Variants in PDGFRL observed in about 807,000 individuals in gnomAD.
The protein encoded by PDGFRL is platelet derived growth factor receptor like, also known as platelet-derived growth factor receptor-like protein.
Under a neutral mutation model 37.2 loss-of-function variants are expected in PDGFRL, and 46 were observed. The observed-to-expected ratio is 1.24, with a 90% CI of 0.98 to 1.58. The LOEUF (loss-of-function observed/expected upper bound fraction) is 1.58, where lower values mean the gene tolerates loss of function less well. PDGFRL is among the 40% of genes most tolerant of loss of function. The probability of loss-of-function intolerance (pLI) is 0.00; values close to 1 mark genes in which losing one functional copy is unlikely to be tolerated. For missense variants in PDGFRL, 692 were observed against 467.6 expected (o/e 1.48, Z -4.43); for synonymous variants, 251 against 184.3 (o/e 1.36, Z -2.93).
intron 3 of PDGFRL, among the ~76,000 whole-genome samples, chr8:17,628,187 G>A (rs190942546): frequency 1.3e-5 from 2 of 151,116 alleles, no homozygotes; most frequent in African/African-American, 4.9e-5. Context: ...GTACAGATGG[G>A]GTTTCACCGT....
Position 17,642,616 on chromosome 8 carries a change from G to A in PDGFRL, c.943G>A (p.Glu315Lys), listed in dbSNP as rs767700846. ...CTTTGTGGGTGTCGTTAAACAGGAT[G>A]AAAGGCCTGTGACGATCCAAGACAC... The part of the protein sequence containing the change: ...FTWIFPGQKD[E>K]RPVTIQDTWR... Residue 315 changes from glutamate to lysine, a missense_variant, in exon 6 of 6, where the codon GAA becomes AAA. Glu to Lys is a moderately conservative substitution (Grantham distance 56). Transcript: ENST00000251630. 2.5e-6 allele frequency: 4 copies of A among 1,601,832 alleles called. No individual in the cohort carries two copies. Among genetic ancestry groups the A allele is most frequent in the Admixed American group, 3.3e-5 (2 of 59,994 alleles).
At chr8:17,604,037 G>A (rs1458626206) in intron 2 of PDGFRL, among the ~76,000 whole-genome samples, 1 of 152,128 alleles carries the variant, frequency 6.6e-6, no homozygotes, top group African/African-American at 2.4e-5. Context: ...GATGATGATG[G>A]GAGGTGAGGC....
intron 1 of PDGFRL, among the ~76,000 whole-genome samples, chr8:17,583,852 C>A (rs756189555): frequency 1.3e-5 from 2 of 152,184 alleles, no homozygotes; most frequent in African/African-American, 2.4e-5. Flanking sequence ...TCTCCTTCAC[C>A]TGTGCCACCA....
chr8:17,596,230 C>T (rs62498033), intron 2 of PDGFRL: 114,072 of 593,518 alleles, frequency 0.19, 12,035 homozygotes, highest in South Asian at 0.26. Flanking sequence ...TGACTCTGAC[C>T]GGGCTGGGGG....
chr8:17,586,913 T>A (rs1202306961), intron 1 of PDGFRL, among the ~76,000 whole-genome samples: 1 of 152,212 alleles, frequency 6.6e-6, no homozygotes, highest in Non-Finnish European at 1.5e-5. Flanking sequence ...GCCACCTATT[T>A]CTCTATAAAT....
chr8:17,583,674 G>A (rs974385126), intron 1 of PDGFRL, among the ~76,000 whole-genome samples: 8 of 152,102 alleles, frequency 5.3e-5, no homozygotes, highest in South Asian at 4.1e-4. Context: ...TGAGTCGTGG[G>A]GGTGGACCCC....
chr8:17,626,076 C>G (rs906487989), intron 3 of PDGFRL, among the ~76,000 whole-genome samples: 1 of 152,232 alleles, frequency 6.6e-6, no homozygotes, highest in African/African-American at 2.4e-5. Context: ...CTGCTTATCG[C>G]TTCAGATTAT....
chr8:17,584,875 G>C (rs146305595), intron 1 of PDGFRL, among the ~76,000 whole-genome samples: 1 of 152,208 alleles, frequency 6.6e-6, no homozygotes, highest in Admixed American at 6.5e-5. Flanking sequence ...AGAAAGTAAA[G>C]GAATAAAAGA....
At chr8:17,585,018 A>C (rs1018545342) in intron 1 of PDGFRL, among the ~76,000 whole-genome samples, 2 of 152,036 alleles carry the variant, frequency 1.3e-5, no homozygotes, top group African/African-American at 4.8e-5. Flanking sequence ...AAATTCCTGG[A>C]ACTGAGGGTT....
rs752092644 is a variant in PDGFRL at position 17,589,605 on chromosome 8, C to T, written c.193C>T (p.Gln65Ter). Residue 65 changes from glutamine (Q) to a stop codon, truncating the protein, a stop_gained, in exon 2 of 6, where the codon CAG becomes TAG. Coordinates refer to ENST00000251630, the MANE Select transcript of PDGFRL (RefSeq NM_001372073.1). LOFTEE classifies it high-confidence loss of function. ...CTCAGCCAATTCAGCACCAAAGACGCAGTCTATCATGATGCAAGTGCTGGA... is the reference window on the plus strand; with the variant it reads ...CTCAGCCAATTCAGCACCAAAGACGTAGTCTATCATGATGCAAGTGCTGGA... ...RDSANSAPKTQSIMMQVLDKG... is the reference protein window; with the variant it reads ...RDSANSAPKT 6.2e-7 allele frequency: 1 copy of T among 1,613,906 alleles called. No homozygotes were observed. Among genetic ancestry groups the T allele is most frequent in the Non-Finnish European group, 8.5e-7 (1 of 1,179,862 alleles).
chr8:17,620,052 TC>T (rs1344964749), intron 2 of PDGFRL, among the ~76,000 whole-genome samples: 7 of 152,162 alleles, frequency 4.6e-5, no homozygotes, highest in Non-Finnish European at 7.3e-5. Flanking sequence ...AATCTCAAAT[TC>T]TTGTGCTCAA....
At chr8:17,596,525 C>A in intron 2 of PDGFRL, 1 of 356,582 alleles carries the variant, frequency 2.8e-6, no homozygotes, top group Non-Finnish European at 5.0e-6. Context: ...TAGAGGATTC[C>A]ATGCTTGAAG....
chr8:17,606,884 T>TC (rs1804289635), intron 2 of PDGFRL, among the ~76,000 whole-genome samples: 1 of 44,974 alleles, frequency 2.2e-5, no homozygotes, highest in Admixed American at 3.7e-4. Flanking sequence ...TTTTCGTTTT[T>TC]TGTTTTTTTG....
intron 2 of PDGFRL, among the ~76,000 whole-genome samples, chr8:17,607,491 G>T (rs947616202): frequency 6.6e-6 from 1 of 152,220 alleles, no homozygotes; most frequent in Non-Finnish European, 1.5e-5. Flanking sequence ...TATCCCAGAT[G>T]TGTTGCACAG....
chr8:17,632,142 A>G (rs1344316171), intron 4 of PDGFRL, among the ~76,000 whole-genome samples: 3 of 152,178 alleles, frequency 2.0e-5, no homozygotes, highest in African/African-American at 2.4e-5. Flanking sequence ...TGCGGCTGGA[A>G]GCCAAGCTAA....
chr8:17,598,243 T>A (rs552100723), intron 2 of PDGFRL, among the ~76,000 whole-genome samples: 1 of 152,302 alleles, frequency 6.6e-6, no homozygotes, highest in Non-Finnish European at 1.5e-5. Flanking sequence ...ACCAGCAAAG[T>A]GGTGTGTGAT....
chr8:17,635,739 A>G (rs1211990516), intron 5 of PDGFRL, among the ~76,000 whole-genome samples: 1 of 152,252 alleles, frequency 6.6e-6, no homozygotes, highest in East Asian at 1.9e-4. Context: ...CATTCCCACC[A>G]GCAGTGTAAC....
At chr8:17,639,256 C>T (rs1805042944) in intron 5 of PDGFRL, among the ~76,000 whole-genome samples, 1 of 152,158 alleles carries the variant, frequency 6.6e-6, no homozygotes, top group Non-Finnish European at 1.5e-5. Context: ...AGGCCATTTA[C>T]ATTCAACATT....
intron 4 of PDGFRL, among the ~76,000 whole-genome samples, chr8:17,633,872 A>T (rs1472608997): frequency 2.0e-5 from 3 of 152,090 alleles, no homozygotes; most frequent in African/African-American, 7.2e-5. Context: ...TGCCTACCCC[A>T]TTCCAGACCA....
Sources: gnomAD v4.1 joint callset for allele counts (sites outside exome capture counted in the v4.1 genomes callset) on GRCh38, gnomAD v4.1.1 for gene constraint, MANE v1.5 for transcripts, NCBI Gene and HGNC (gene_info 2026-07-23, HGNC 2026-07-21) for gene names.